PTCHD4: variants seen among roughly 807,000 people sequenced by gnomAD.
PTCHD4 encodes patched domain-containing protein 4.
Under a neutral mutation model 58.1 loss-of-function variants are expected in PTCHD4, and 33 were observed. The ratio of observed to expected loss-of-function variants is 0.57; its 90% CI spans 0.43 to 0.76. The LOEUF (loss-of-function observed/expected upper bound fraction) is 0.76. PTCHD4 is among the 30% of genes least tolerant of loss of function. PTCHD4 has a pLI of 0.00. For missense variants in PTCHD4, 1,058 were observed against 1,027.1 expected, an observed-to-expected ratio of 1.03 and a Z score of -0.41; for synonymous variants, 478 against 409.6, an observed-to-expected ratio of 1.17 and a Z score of -2.02.
intron 3 of PTCHD4, among the ~76,000 whole-genome samples, chr6:48,057,026 C>CT (rs1483980894): frequency 2.6e-5 from 4 of 152,074 alleles, no homozygotes; most frequent in African/African-American, 9.7e-5. Flanking sequence ...TTAAATTTAA[C>CT]TGGGTGTCCT....
At chr6:48,023,398 A>G (rs1192381633) in intron 3 of PTCHD4, among the ~76,000 whole-genome samples, 11 of 152,184 alleles carry the variant, frequency 7.2e-5, no homozygotes, top group Non-Finnish European at 1.6e-4. Flanking sequence ...ATATTAAGCT[A>G]GATAGTCTCC....
At chr6:48,064,014 T>C (rs1562034535) in intron 3 of PTCHD4, among the ~76,000 whole-genome samples, 1 of 152,122 alleles carries the variant, frequency 6.6e-6, no homozygotes, top group East Asian at 1.9e-4. Context: ...AGCAGGAAAG[T>C]CTATCTTTGC....
rs965628294 is a variant in PTCHD4 at position 47,922,203 on chromosome 6, G to A, written c.899-42267C>T. On this transcript the variant is annotated intron_variant, in intron 4 of 4. Transcript: ENST00000339488. ...ATAGCCAAGCTTAATTTTAACTAAT[G>A]TAGTTATTATATTCAAATTTTCATT... Among the ~76,000 whole-genome samples, 14 of 152,132 alleles carry A rather than the reference G, an allele frequency of 9.2e-5. No homozygotes were observed. The East Asian group carries it at 2.5e-3, about 27-fold the overall frequency.
intron 4 of PTCHD4, among the ~76,000 whole-genome samples, chr6:47,992,046 A>C (rs1768298209): frequency 6.6e-6 from 1 of 152,162 alleles, no homozygotes; most frequent in Middle Eastern, 3.2e-3. Flanking sequence ...AGCCTGGAAG[A>C]ATCTCCACAT....
At chr6:47,905,134 C>A (rs755695806) in intron 4 of PTCHD4, among the ~76,000 whole-genome samples, 21 of 149,230 alleles carry the variant, frequency 1.4e-4, no homozygotes, top group Admixed American at 9.5e-4. Context: ...AGTCATAGAA[C>A]GTGGCTGGAG....
chr6:48,027,928 G>A (rs1763301739), intron 3 of PTCHD4, among the ~76,000 whole-genome samples: 2 of 151,884 alleles, frequency 1.3e-5, no homozygotes, highest in South Asian at 4.1e-4. Context: ...AAACCAGGAT[G>A]TGGTTTTTTT....
chr6:48,040,769 A>C (rs1317019896), intron 3 of PTCHD4, among the ~76,000 whole-genome samples: 1 of 152,046 alleles, frequency 6.6e-6, no homozygotes, highest in African/African-American at 2.4e-5. Flanking sequence ...AGGCTGTTCA[A>C]GACAACATAT....
At chr6:47,927,501 A>G (rs1765663441) in intron 4 of PTCHD4, among the ~76,000 whole-genome samples, 1 of 152,176 alleles carries the variant, frequency 6.6e-6, no homozygotes, top group African/African-American at 2.4e-5. Context: ...ATGGGACAAA[A>G]CAATGACCTT....
At chr6:48,070,069 G>C (rs368628009) in intron 1 of PTCHD4, among the ~76,000 whole-genome samples, 143 bp from the exon 2 acceptor site, 1 of 152,006 alleles carries the variant, frequency 6.6e-6, no homozygotes, top group African/African-American at 2.4e-5. Context: ...TGAAGATGAG[G>C]ATCTCAGCTT....
At chr6:47,908,806 TACTA>T (rs759696474) in intron 4 of PTCHD4, among the ~76,000 whole-genome samples, 3 of 152,244 alleles carry the variant, frequency 2.0e-5, no homozygotes, top group Non-Finnish European at 2.9e-5. Flanking sequence ...ATATCTTTCC[TACTA>T]ACTATTATGA....
At chr6:48,079,010 T>TC (rs1221711847) in intron 1 of PTCHD4, among the ~76,000 whole-genome samples, 11 of 148,452 alleles carry the variant, frequency 7.4e-5, no homozygotes, top group Admixed American at 6.9e-4. Context: ...TCCCAGCTAC[T>TC]GGGAGGCTGA....
At chr6:47,903,220 GA>G (rs906358375) in intron 4 of PTCHD4, among the ~76,000 whole-genome samples, 9 of 152,096 alleles carry the variant, frequency 5.9e-5, no homozygotes, top group Non-Finnish European at 1.3e-4. Flanking sequence ...AGAAAGAAAA[GA>G]AAAAACTACT....
intron 4 of PTCHD4, among the ~76,000 whole-genome samples, chr6:47,916,711 C>T (rs1765269735): frequency 6.6e-6 from 1 of 152,094 alleles, no homozygotes; most frequent in East Asian, 1.9e-4. Context: ...GAGGAATATA[C>T]CATGCTTCCT....
rs537229431 is a variant in PTCHD4, at chr6:47,888,335, C to A, written c.899-8399G>T. Among the ~76,000 whole-genome samples the A allele has an allele frequency of 4.0e-5, 6 of 151,778 alleles. No individual in the cohort carries two copies. The South Asian group carries it at 1.3e-3, about 32-fold the overall frequency. ...TAGCGCCACTGCACTCCAGCCTGGG[C>A]GACAGCGCGAGACTCAGTCCCCAAA... On this transcript the variant is annotated intron_variant, in intron 4 of 4. Coordinates refer to ENST00000339488, the MANE Select transcript of PTCHD4 (RefSeq NM_001384253.1).
chr6:47,880,230 C>T lies in PTCHD4; in HGVS notation c.899-294G>A, dbSNP rs188851228. Among the ~76,000 whole-genome samples the T allele has an allele frequency of 2.6e-5, 4 of 152,174 alleles. No homozygotes were observed. The East Asian group carries it at 5.8e-4, about 22-fold the overall frequency. On this transcript the variant is annotated intron_variant, in intron 4 of 4. Coordinates refer to ENST00000339488, the MANE Select transcript of PTCHD4 (RefSeq NM_001384253.1). ...GTTACGTTATTACATGATGTTTTTC[C>T]CCTGAACACATATTGTCTTCCTAAA...
intron 4 of PTCHD4, among the ~76,000 whole-genome samples, chr6:47,880,402 A>G (rs1763985294): frequency 6.6e-6 from 1 of 152,190 alleles, no homozygotes; most frequent in South Asian, 2.1e-4. Flanking sequence ...TTAGGAAATT[A>G]TAAAAGTATG....
chr6:48,046,102 A>C (rs1328551171), intron 3 of PTCHD4, among the ~76,000 whole-genome samples: 1 of 151,882 alleles, frequency 6.6e-6, no homozygotes, highest in Non-Finnish European at 1.5e-5. Flanking sequence ...GGGACAAATG[A>C]ATGTAAGTTA....
intron 4 of PTCHD4, among the ~76,000 whole-genome samples, chr6:47,983,107 C>A (rs1032144828): frequency 6.6e-6 from 1 of 151,944 alleles, no homozygotes; most frequent in Non-Finnish European, 1.5e-5. Context: ...CATATTTCTG[C>A]AAGTTAGGGT....
rs35234678 is a variant in PTCHD4, at chr6:47,915,571, A to ATTTTT, written c.899-35640_899-35636dup. On this transcript the variant is annotated intron_variant, in intron 4 of 4. Coordinates refer to ENST00000339488, the MANE Select transcript of PTCHD4 (RefSeq NM_001384253.1). ...AAGACTCATAGAAAATAGAAGACAGATTTTTTTTTTTTTTTGCATGTTAGA... is the reference window on the plus strand; with the variant it reads ...AAGACTCATAGAAAATAGAAGACAGATTTTTTTTTTTTTTTTTTTTGCATGTTAGA... 3.1e-4 allele frequency among the ~76,000 whole-genome samples: 45 copies of ATTTTT among 144,694 alleles called. 1 individual carries two copies. The highest frequency in any genetic ancestry group is 9.4e-4 in the African/African-American group (37 of 39,406). 94.9% of individuals were successfully genotyped at this position (144,694 alleles called of 152,430 possible). A position where few individuals can be genotyped will look rare whatever the true frequency, so the allele number is the denominator to read the frequency against.
Sources: allele counts gnomAD v4.1 joint callset (sites outside exome capture counted in the v4.1 genomes callset), GRCh38; gene constraint gnomAD v4.1.1; transcripts MANE v1.5; gene names NCBI Gene and HGNC (gene_info 2026-07-23, HGNC 2026-07-21).